NCOR1: variants seen among roughly 807,000 people sequenced by gnomAD.
NCOR1 encodes protein phosphatase 1, regulatory subunit 109.
A neutral mutation model predicts 288.1 loss-of-function variants in NCOR1; 63 were observed. The observed-to-expected ratio is 0.22, with a 90% CI of 0.18 to 0.27. NCOR1 has a LOEUF of 0.27. Among genes scored for constraint, NCOR1 ranks in the 10% least tolerant of loss-of-function variants. The probability of loss-of-function intolerance (pLI) is 1.00; values close to 1 mark genes in which losing one functional copy is unlikely to be tolerated. For missense variants in NCOR1, 2,397 were observed against 3,019.2 expected, an observed-to-expected ratio of 0.79 and a Z score of 4.83; for synonymous variants, 1,007 against 1,065.9, an observed-to-expected ratio of 0.94 and a Z score of 1.08.
intron 4 of NCOR1, 138 bp downstream of exon 4, chr17:16,171,665 A>T: frequency 1.3e-6 from 1 of 742,882 alleles, no homozygotes; most frequent in Non-Finnish European, 1.9e-6. Context: ...AGTTTTGTTT[A>T]ACAAAATTTT....
At chr17:16,039,331 T>C (rs1439360608) in intron 44 of NCOR1, 102 bp downstream of exon 44, 1 of 1,149,866 alleles carries the variant, frequency 8.7e-7, no homozygotes, top group Admixed American at 2.1e-5. Context: ...TCTGAGCACA[T>C]AAAGACATAA....
At position 16,032,386 on chromosome 17, in the gene NCOR1, T is replaced by C; in HGVS notation, c.7233A>G (p.Ala2411=). The C allele has an allele frequency of 6.2e-7, 1 of 1,614,174 alleles. No homozygotes were observed. Among genetic ancestry groups the C allele is most frequent in the South Asian group, 1.1e-5 (1 of 91,066 alleles). The change falls in exon 46 of 46, where the codon GCA becomes GCG. Residue 2411 remains alanine, a synonymous_variant. Coordinates refer to ENST00000268712, the MANE Select transcript of NCOR1 (RefSeq NM_006311.4). The part of the protein sequence containing the change: ...IACAPSAVNQ[A]APHQQNRIWE... The stretch of plus-strand genomic sequence containing the variant: ...AGATCCTGTTCTGTTGGTGAGGAGC[T>C]GCTTGGTTCACCGCAGAGGGAGCAC...
In NCOR1 at chr17:16,040,351, T is replaced by C. The variant is rs185809245; in HGVS notation, c.6733+90A>G. 80 of 1,050,012 alleles carry C rather than the reference T, an allele frequency of 7.6e-5. No homozygotes were observed. In the East Asian group the frequency reaches 1.8e-3, roughly 23 times the overall value. The allele number at this position is 1,050,012 out of a possible 1,614,324, so 65.0% of individuals were successfully genotyped here. A position where few individuals can be genotyped will look rare whatever the true frequency, so the allele number is the denominator to read the frequency against. ...TTCCATATTAGAGCAGTCACTCCCC[T>C]GGTATACAGTTGGTACTCAGTACAT... On this transcript the variant is annotated intron_variant, in intron 43 of 45. Coordinates refer to ENST00000268712, the MANE Select transcript of NCOR1 (RefSeq NM_006311.4).
At chr17:16,209,244 G>A (rs2091888384) in intron 1 of NCOR1, among the ~76,000 whole-genome samples, 1 of 152,072 alleles carries the variant, frequency 6.6e-6, no homozygotes, top group Non-Finnish European at 1.5e-5. Context: ...TTTAGATGTA[G>A]TAGAGTTTGG....
intron 19 of NCOR1, among the ~76,000 whole-genome samples, chr17:16,102,224 T>C (rs1260848952): frequency 3.3e-5 from 5 of 152,204 alleles, no homozygotes; most frequent in Admixed American, 2.6e-4. Context: ...TTTTAATTTT[T>C]CTGATGGTCA....
rs767577318 is a variant in NCOR1 at position 16,032,416 on chromosome 17, A to C, written c.7203T>G (p.Ile2401Met). ...RMLSSTPPTP[I>M]ACAPSAVNQA... The stretch of plus-strand genomic sequence containing the variant: ...GGTTCACCGCAGAGGGAGCACATGC[A>C]ATCGGTGTTGGTGGAGTACTGCTGA... The change falls in exon 46 of 46, where the codon ATT becomes ATG. Residue 2401 changes from isoleucine to methionine, a missense_variant. By Grantham distance (10) the Ile-to-Met change is conservative. Around this residue, in one of 11 missense-constraint regions of NCOR1, gnomAD observed 1,872 missense variants for 2,187.8 expected, o/e 0.86. Transcript: ENST00000268712. 1.4e-5 allele frequency: 22 copies of C among 1,614,068 alleles called. No homozygotes were observed. The highest frequency in any genetic ancestry group is 1.9e-5 in the Non-Finnish European group (22 of 1,179,974).
At chr17:16,112,244 C>T (rs2070418841) in intron 18 of NCOR1, among the ~76,000 whole-genome samples, 1 of 152,186 alleles carries the variant, frequency 6.6e-6, no homozygotes, top group African/African-American at 2.4e-5. Flanking sequence ...ATGTTACCTC[C>T]TGAAGTCAAG....
chr17:16,144,247 T>G (rs2077537838), intron 10 of NCOR1, among the ~76,000 whole-genome samples: 1 of 152,214 alleles, frequency 6.6e-6, no homozygotes, highest in South Asian at 2.1e-4. Flanking sequence ...TTGAATATGT[T>G]GGTAACGAAG....
At position 16,146,492 on chromosome 17, in the gene NCOR1, C is replaced by T. The variant is rs1361006148; in HGVS notation, c.966G>A (p.Val322=). The T allele has an allele frequency of 6.2e-7, 1 of 1,613,220 alleles. No individual in the cohort carries two copies. Among genetic ancestry groups the T allele is most frequent in the Non-Finnish European group, 8.5e-7 (1 of 1,179,734 alleles). ...DQLMEAWEKK[V]DRIENNPRRK... The stretch of plus-strand genomic sequence containing the variant: ...TCCGAGGATTATTTTCTATTCTGTC[C>T]ACTTTTTTCTCCCATGCCTCCATGA... The change falls in exon 10 of 46, where the codon GTG becomes GTA. Residue 322 remains valine, a synonymous_variant. Transcript: ENST00000268712.
Position 16,080,659 on chromosome 17 carries a change from T to A in NCOR1, c.3246A>T (p.Ser1082=), listed in dbSNP as rs2063252878. ...GCAGTCCAAGAGAGATAGATCCCAC[T>A]GACGGCTTGGGTGTTTCTTGAGTGT... is the stretch of plus-strand genomic sequence containing the variant. ...ASYTQETPKP[S]VGSISLGLPR... is the part of the protein sequence containing the mutation. Residue 1082 remains serine, a synonymous_variant, in exon 24 of 46, where the codon TCA becomes TCT. Transcript: ENST00000268712. The A allele has an allele frequency of 1.2e-6, 2 of 1,614,144 alleles. No homozygotes were observed. The highest frequency in any genetic ancestry group is 1.7e-5 in the Admixed American group (1 of 60,022).
chr17:16,073,445 T>C lies in NCOR1; in HGVS notation c.3795A>G (p.Val1265=). ...KQGMSMRESP[V]SAPLEGLICR... is the part of the protein sequence containing the mutation. ...ATGCTTTACCCTCTAACGGTGCTGA[T>C]ACAGGAGACTCCCTCATTGACATCC... Residue 1265 remains valine, a synonymous_variant, in exon 28 of 46, where the codon GTA becomes GTG. Transcript: ENST00000268712. 3 of 1,607,736 alleles carry C rather than the reference T, an allele frequency of 1.9e-6. No individual in the cohort carries two copies. The highest frequency in any genetic ancestry group is 1.7e-6 in the Non-Finnish European group (2 of 1,177,186).
chr17:16,058,785 G>A (rs1304580558), intron 37 of NCOR1, among the ~76,000 whole-genome samples, 186 bp from the exon 38 acceptor site: 1 of 151,944 alleles, frequency 6.6e-6, no homozygotes, highest in East Asian at 1.9e-4. Flanking sequence ...AGTGGCTCAT[G>A]GCTGTAATCC....
At chr17:16,073,208 A>C (rs1164956074) in intron 28 of NCOR1, among the ~76,000 whole-genome samples, 2 of 152,238 alleles carry the variant, frequency 1.3e-5, no homozygotes, top group African/African-American at 2.4e-5. Flanking sequence ...AATTACGCTT[A>C]AATTTGACTT....
intron 1 of NCOR1, 67 bp from the exon 2 acceptor site, chr17:16,194,706 A>T: frequency 2.0e-6 from 1 of 510,176 alleles, no homozygotes; most frequent in South Asian, 3.1e-5. Flanking sequence ...CTAATAAATT[A>T]TAACTATAGC....
In NCOR1 at chr17:16,151,953, T is replaced by C. The variant is rs1471527232; in HGVS notation, c.835A>G (p.Ile279Val). The C allele has an allele frequency of 6.3e-7, 1 of 1,599,074 alleles. No individual in the cohort carries two copies. Among genetic ancestry groups the C allele is most frequent in the East Asian group, 2.2e-5 (1 of 44,664 alleles). Residue 279 changes from isoleucine to valine, a missense_variant, in exon 8 of 46, where the codon ATC becomes GTC. Physicochemically the swap from Ile to Val is conservative, Grantham distance 29 (BLOSUM62 3). Transcript: ENST00000268712. ...PSDTKVYHEN[I>V]KTNQVMRKKL... Reference sequence around the variant, plus strand: ...AAGATGATCAATACTTACGTCTTGATGTTCTCATGGTACACCTTGGTATCT... The same window carrying C: ...AAGATGATCAATACTTACGTCTTGACGTTCTCATGGTACACCTTGGTATCT...
chr17:16,041,812 C>CT (rs2057734111), intron 42 of NCOR1, among the ~76,000 whole-genome samples: 1 of 152,100 alleles, frequency 6.6e-6, no homozygotes, highest in South Asian at 2.1e-4. Flanking sequence ...TCTTGGCTCA[C>CT]TGCAAGCTCT....
chr17:16,188,616 A>C (rs1412894334), intron 2 of NCOR1, among the ~76,000 whole-genome samples: 3 of 152,170 alleles, frequency 2.0e-5, no homozygotes, highest in African/African-American at 4.8e-5. Context: ...ATCTCAAAAA[A>C]AAAAAATTTT....
chr17:16,071,325 G>A, intron 30 of NCOR1, 84 bp downstream of exon 30: 1 of 1,507,646 alleles, frequency 6.6e-7, no homozygotes, highest in Non-Finnish European at 8.9e-7. Flanking sequence ...GACATCATAA[G>A]AACCACTTAT....
At chr17:16,116,718 C>CAGA (rs10686848) in intron 18 of NCOR1, among the ~76,000 whole-genome samples, 80,356 of 151,646 alleles carry the variant, frequency 0.53, 21,638 homozygotes, top group Middle Eastern at 0.61. Flanking sequence ...TGGTATAGAG[C>CAGA]AGAACTTTAT....
Sources: allele counts gnomAD v4.1 joint callset (sites outside exome capture counted in the v4.1 genomes callset), GRCh38; gene constraint gnomAD v4.1.1; regional missense constraint gnomAD v4.1.1; transcripts MANE v1.5; gene names NCBI Gene and HGNC (gene_info 2026-07-23, HGNC 2026-07-21).